Variants in CD53 observed in about 807,000 individuals in gnomAD.
The protein encoded by CD53 is CD53 molecule.
A neutral mutation model predicts 27.3 loss-of-function variants in CD53; 20 were observed. That is an observed-to-expected ratio of 0.73 (90% CI 0.52 to 1.07). The LOEUF is 1.07. CD53 is among the 50% of genes least tolerant of loss of function. The pLI, the probability that CD53 is intolerant of heterozygous loss-of-function variation, is 0.00. For missense variants in CD53, 216 were observed against 264.0 expected (o/e 0.82, Z 1.26); for synonymous variants, 106 against 105.3 (o/e 1.01, Z -0.04).
At chr1:110,887,038 C>T (rs12126927) in intron 1 of CD53, among the ~76,000 whole-genome samples, 96,094 of 150,308 alleles carry the variant, frequency 0.64, 32,756 homozygotes, top group Non-Finnish European at 0.77. Flanking sequence ...TCTTTTTATA[C>T]TTTCCATGTC....
At chr1:110,879,201 G>A (rs760628630) in intron 1 of CD53, among the ~76,000 whole-genome samples, 9 of 152,218 alleles carry the variant, frequency 5.9e-5, no homozygotes, top group Middle Eastern at 3.4e-3. Context: ...CTTTCAGTGA[G>A]TTTTCACTGA....
Position 110,899,357 on chromosome 1 carries a change from C to T in CD53, c.*162C>T. The T allele has an allele frequency of 1.8e-6, 1 of 558,076 alleles. No homozygotes were observed. The highest frequency in any genetic ancestry group is 3.2e-6 in the Non-Finnish European group (1 of 311,296). 34.6% of individuals were successfully genotyped at this position (558,076 alleles called of 1,614,324 possible). A position where few individuals can be genotyped will look rare whatever the true frequency, so the allele number is the denominator to read the frequency against. On this transcript the variant is annotated 3_prime_UTR_variant, in exon 8 of 8. Transcript: ENST00000271324. ...ACCAGAGAAGTGGGTGTTGGCCAGGCACATCCCATCTCAGGCAGCAAGACA... is the reference window on the plus strand; with the variant it reads ...ACCAGAGAAGTGGGTGTTGGCCAGGTACATCCCATCTCAGGCAGCAAGACA...
Position 110,896,715 on chromosome 1 carries a change from CT to C in CD53, c.487del (p.Ser163GlnfsTer32). ...CCAGTGGCCCACCAGCATCTTGCCC[CT>C]CAGATCGAAAAGTGGAGGTAATTTT... ...WTSGPPASCP[S>X]DRKVEGCYAK... is the part of the protein sequence containing the mutation. On this transcript the variant is annotated frameshift_variant, in exon 6 of 8. Coordinates refer to ENST00000271324, the MANE Select transcript of CD53 (RefSeq NM_000560.4). LOFTEE classifies it high-confidence loss of function. The C allele has an allele frequency of 6.2e-7, 1 of 1,613,100 alleles. No homozygotes were observed. The highest frequency in any genetic ancestry group is 8.5e-7 in the Non-Finnish European group (1 of 1,179,586).
intron 1 of CD53, among the ~76,000 whole-genome samples, chr1:110,884,851 ATT>A (rs35838394): frequency 7.9e-5 from 12 of 151,822 alleles, no homozygotes; most frequent in African/African-American, 2.2e-4. Flanking sequence ...TTTTAAATGC[ATT>A]TTTTTGTAAA....
chr1:110,895,850 T>C (rs1407353129), intron 5 of CD53, among the ~76,000 whole-genome samples: 1 of 152,212 alleles, frequency 6.6e-6, no homozygotes, highest in East Asian at 1.9e-4. Flanking sequence ...CTTTTTTCGT[T>C]AGAATATGTT....
rs1415356018 is a variant in CD53 at position 110,896,721 on chromosome 1, T to G, written c.492T>G (p.Asp164Glu). The G allele has an allele frequency of 6.2e-7, 1 of 1,612,938 alleles. No individual in the cohort carries two copies. The highest frequency in any genetic ancestry group is 8.5e-7 in the Non-Finnish European group (1 of 1,179,522). ...GCCCACCAGCATCTTGCCCCTCAGA[T>G]CGAAAAGTGGAGGTAATTTTGTCGG... ...TSGPPASCPS[D>E]RKVEGCYAKA... is the part of the protein sequence containing the mutation. Residue 164 changes from aspartate (D) to glutamate (E), a missense_variant, in exon 6 of 8, where the codon GAT becomes GAG. Coordinates refer to ENST00000271324, the MANE Select transcript of CD53 (RefSeq NM_000560.4).
Position 110,874,538 on chromosome 1 carries a change from CAA to C in CD53, c.-18+1292_-18+1293del, listed in dbSNP as rs1475513337. ...AGCAAACTCCCAGCTGCTGGACAAACAAAGAGGTTTTGCTTTCTCAATCTTGA... is the reference window on the plus strand; with the variant it reads ...AGCAAACTCCCAGCTGCTGGACAAACAGAGGTTTTGCTTTCTCAATCTTGA... On this transcript the variant is annotated intron_variant, in intron 1 of 7. Transcript: ENST00000271324. Among the ~76,000 whole-genome samples, 6 of 152,330 alleles carry C rather than the reference CAA, an allele frequency of 3.9e-5. No individual in the cohort carries two copies. In the East Asian group the frequency reaches 9.6e-4, roughly 24 times the overall value.
intron 1 of CD53, among the ~76,000 whole-genome samples, chr1:110,880,966 AAG>A (rs1470777966): frequency 6.6e-6 from 1 of 151,916 alleles, no homozygotes; most frequent in Non-Finnish European, 1.5e-5. Context: ...CCAGAAAGAA[AAG>A]AGAAAATTTC....
At chr1:110,881,703 A>AT (rs1380653375) in intron 1 of CD53, among the ~76,000 whole-genome samples, 1 of 152,248 alleles carries the variant, frequency 6.6e-6, no homozygotes, top group Admixed American at 6.5e-5. Flanking sequence ...GAACATGGTT[A>AT]TACCATTTTA....
chr1:110,896,892 C>G (rs935894640), intron 6 of CD53, among the ~76,000 whole-genome samples, 159 bp downstream of exon 6: 2 of 152,148 alleles, frequency 1.3e-5, no homozygotes, highest in African/African-American at 4.8e-5. Context: ...TTAGAAAAGT[C>G]AGAAAAACAT....
chr1:110,879,421 CTG>C (rs1470563228), intron 1 of CD53, among the ~76,000 whole-genome samples: 2 of 152,228 alleles, frequency 1.3e-5, no homozygotes. Context: ...GTTTATCAAA[CTG>C]TGTTCCACAG....
At chr1:110,889,874 A>G (rs2101056777) in intron 1 of CD53, among the ~76,000 whole-genome samples, 1 of 152,320 alleles carries the variant, frequency 6.6e-6, no homozygotes, top group South Asian at 2.1e-4. Flanking sequence ...AATCTAATTT[A>G]TTTTATTTTA....
chr1:110,874,054 G>A (rs1656042584), intron 1 of CD53, among the ~76,000 whole-genome samples: 1 of 152,166 alleles, frequency 6.6e-6, no homozygotes, highest in Non-Finnish European at 1.5e-5. Context: ...GCAGAGCTTC[G>A]GTCCTGACTC....
intron 1 of CD53, among the ~76,000 whole-genome samples, chr1:110,885,401 G>C (rs552160104): frequency 6.6e-6 from 1 of 152,156 alleles, no homozygotes; most frequent in Non-Finnish European, 1.5e-5. Flanking sequence ...AGCTGGACGT[G>C]GTGGCAGGCG....
At chr1:110,871,794 A>C (rs541435749), upstream of CD53, among the ~76,000 whole-genome samples, 1 of 140,874 alleles carries the variant, frequency 7.1e-6, no homozygotes, top group South Asian at 2.3e-4. Flanking sequence ...TACACTGAAA[A>C]ATTGTTCCCC....
intron 1 of CD53, among the ~76,000 whole-genome samples, chr1:110,886,867 A>ATTT (rs1275613699): frequency 0.013 from 532 of 41,346 alleles, 9 homozygotes; most frequent in African/African-American, 0.042. Context: ...ATATATATAT[A>ATTT]TATTTTTTTT....
At chr1:110,887,477 A>C (rs1656674410) in intron 1 of CD53, among the ~76,000 whole-genome samples, 2 of 152,082 alleles carry the variant, frequency 1.3e-5, no homozygotes, top group Non-Finnish European at 2.9e-5. Context: ...TGCATGCCTG[A>C]TATTTTGAGT....
chr1:110,888,881 AGG>A (rs1656733578), intron 1 of CD53, among the ~76,000 whole-genome samples: 2 of 152,176 alleles, frequency 1.3e-5, no homozygotes, highest in South Asian at 4.1e-4. Flanking sequence ...TAGCTGCTCA[AGG>A]GGACTACATT....
chr1:110,884,849 G>A (rs546699323), intron 1 of CD53, among the ~76,000 whole-genome samples: 78 of 10,886 alleles, frequency 7.2e-3, no homozygotes, highest in African/African-American at 7.9e-3. Flanking sequence ...TATTTTAAAT[G>A]CATTTTTTTG....
Sources: gnomAD v4.1 joint callset for allele counts (sites outside exome capture counted in the v4.1 genomes callset) on GRCh38, gnomAD v4.1.1 for gene constraint, MANE v1.5 for transcripts, NCBI Gene and HGNC (gene_info 2026-07-23, HGNC 2026-07-21) for gene names.